Variants in DPH6 observed in about 807,000 individuals in gnomAD.
The protein encoded by DPH6 is diphthamine biosynthesis 6, also known as diphthine--ammonia ligase.
A neutral mutation model predicts 38.2 loss-of-function variants in DPH6; 33 were observed. That is an observed-to-expected ratio of 0.86 (90% CI 0.65 to 1.15). The LOEUF (loss-of-function observed/expected upper bound fraction) is 1.15. DPH6 is among the 50% of genes most tolerant of loss of function. The probability of loss-of-function intolerance (pLI) is 0.00; values close to 1 mark genes in which losing one functional copy is unlikely to be tolerated. For synonymous variants in DPH6, 108 were observed against 103.0 expected, an observed-to-expected ratio of 1.05 and a Z score of -0.30; for missense variants, 325 against 320.0, an observed-to-expected ratio of 1.02 and a Z score of -0.12.
At chr15:35,462,308 A>G (rs2054076121) in intron 3 of DPH6, among the ~76,000 whole-genome samples, 1 of 152,196 alleles carries the variant, frequency 6.6e-6, no homozygotes, top group Non-Finnish European at 1.5e-5. Flanking sequence ...AAGCCATGGC[A>G]TGAAGCTTCC....
rs16960934 is a variant in DPH6, at chr15:35,431,134, T to C, written c.505+19551A>G. Among the ~76,000 whole-genome samples the C allele has an allele frequency of 0.022, 3,329 of 152,148 alleles. 382 individuals carry two copies. The East Asian group carries it at 0.36, about 17-fold the overall frequency. ...CAGCACAGTTATATAACACCCAAGA[T>C]TCTTCTTTGTCAAACAGAAAAAGCG... On this transcript the variant is annotated intron_variant, in intron 5 of 8. Transcript: ENST00000256538.
intron 3 of DPH6, among the ~76,000 whole-genome samples, chr15:35,461,393 T>C (rs937157272): frequency 2.6e-5 from 4 of 152,202 alleles, no homozygotes; most frequent in African/African-American, 9.7e-5. Flanking sequence ...TTTGTTAATG[T>C]ACAAAGAAAA....
At chr15:35,214,796 T>C (rs145390727), downstream of DPH6, among the ~76,000 whole-genome samples, 36 of 152,194 alleles carry the variant, frequency 2.4e-4, no homozygotes, top group African/African-American at 8.7e-4. Context: ...TTAGTAGAGA[T>C]GGGGTTTCAC....
intron 3 of DPH6, among the ~76,000 whole-genome samples, chr15:35,324,284 G>A (rs2052264776): frequency 6.6e-6 from 1 of 152,130 alleles, no homozygotes; most frequent in Non-Finnish European, 1.5e-5. Context: ...AGATATAAGT[G>A]TATTGCATAA....
intron 3 of DPH6, among the ~76,000 whole-genome samples, chr15:35,316,312 C>T (rs1199258555): frequency 6.6e-6 from 1 of 152,026 alleles, no homozygotes; most frequent in African/African-American, 2.4e-5. Flanking sequence ...AAACTATGGA[C>T]ATCTGTTATG....
intron 3 of DPH6, among the ~76,000 whole-genome samples, chr15:35,361,280 C>T (rs770258205): frequency 3.3e-5 from 5 of 152,284 alleles, no homozygotes; most frequent in East Asian, 1.9e-4. Context: ...AGGGCATTTT[C>T]GTCTGTGAAT....
chr15:35,499,905 G>A (rs980546742), intron 3 of DPH6, among the ~76,000 whole-genome samples: 2 of 152,174 alleles, frequency 1.3e-5, no homozygotes, highest in Admixed American at 1.3e-4. Flanking sequence ...GTTCCTGGCA[G>A]TACCATTCCC....
At chr15:35,207,815 T>G in the DPH6 span, among the ~76,000 whole-genome samples, 1 of 152,228 alleles carries the variant, frequency 6.6e-6, no homozygotes, top group Admixed American at 6.5e-5. Flanking sequence ...AGCAAATTAC[T>G]GTAAGTAGTG....
At chr15:35,366,229 T>TGC (rs1491128161), downstream of DPH6, among the ~76,000 whole-genome samples, 48 of 3,944 alleles carry the variant, frequency 0.012, no homozygotes, top group African/African-American at 0.019. Flanking sequence ...TTAGTCATCT[T>TGC]GTGTGTGTGT....
intron 5 of DPH6, among the ~76,000 whole-genome samples, chr15:35,448,813 T>C (rs1304705022): frequency 6.6e-6 from 1 of 152,096 alleles, no homozygotes; most frequent in Non-Finnish European, 1.5e-5. Flanking sequence ...AGAAATTTTA[T>C]GAGTTCATTG....
intron 6 of DPH6, among the ~76,000 whole-genome samples, chr15:35,389,659 G>A (rs1266175886): frequency 6.6e-6 from 1 of 151,678 alleles, no homozygotes; most frequent in African/African-American, 2.4e-5. Flanking sequence ...GACTAGGATT[G>A]CAATCCCTGC....
downstream of DPH6, among the ~76,000 whole-genome samples, chr15:35,327,891 A>G (rs2052297712): frequency 6.6e-6 from 1 of 152,162 alleles, no homozygotes; most frequent in East Asian, 1.9e-4. Flanking sequence ...ATCAAAACTT[A>G]CCAACTTATA....
At chr15:35,259,093 C>G (rs914988238) in intron 3 of DPH6, among the ~76,000 whole-genome samples, 1 of 149,458 alleles carries the variant, frequency 6.7e-6, no homozygotes, top group Non-Finnish European at 1.5e-5. Flanking sequence ...TGCAGTGGGC[C>G]GAGATCGCAC....
At chr15:35,153,732 A>G in the DPH6 span, among the ~76,000 whole-genome samples, 1 of 152,202 alleles carries the variant, frequency 6.6e-6, no homozygotes, top group East Asian at 1.9e-4. Context: ...AGAGAGAGAG[A>G]AGAAATGAAC....
chr15:35,215,442 A>G (rs1363601699), downstream of DPH6, among the ~76,000 whole-genome samples: 1 of 152,110 alleles, frequency 6.6e-6, no homozygotes, highest in Non-Finnish European at 1.5e-5. Flanking sequence ...AGGCTGGGGT[A>G]CAGTGGTGTG....
intron 1 of DPH6, among the ~76,000 whole-genome samples, chr15:35,545,303 T>C (rs1209293030): frequency 6.6e-6 from 1 of 152,238 alleles, no homozygotes; most frequent in African/African-American, 2.4e-5. Context: ...AGTATGGAAA[T>C]ATTTAAGCAG....
Position 35,546,112 on chromosome 15 carries a change from G to T in DPH6, c.23+7C>A. 7.1e-7 allele frequency: 1 copy of T among 1,406,102 alleles called. No homozygotes were observed. Among genetic ancestry groups the T allele is most frequent in the Non-Finnish European group, 9.4e-7 (1 of 1,066,260 alleles). The allele number at this position is 1,406,102 out of a possible 1,614,324, so 87.1% of individuals were successfully genotyped here. ...GGAGGAAGGAGGCGGCTCCAGGACC[G>T]CATTACCTGATCAGAGCCGCGACCC... is the stretch of plus-strand genomic sequence containing the variant. On this transcript the variant is annotated splice_region_variant and intron_variant, in intron 1 of 8. Transcript: ENST00000256538.
the DPH6 span, among the ~76,000 whole-genome samples, chr15:35,149,843 C>A: frequency 2.0e-5 from 3 of 152,234 alleles, no homozygotes; most frequent in African/African-American, 7.2e-5. Flanking sequence ...CAATTAGATT[C>A]AACTGTTCAC....
chr15:35,388,220 G>A (rs1305723557), intron 6 of DPH6, among the ~76,000 whole-genome samples: 2 of 152,148 alleles, frequency 1.3e-5, no homozygotes, highest in Non-Finnish European at 2.9e-5. Flanking sequence ...TAAGCTTTTT[G>A]ATGTGCTGCT....
Sources: gnomAD v4.1 joint callset for allele counts (sites outside exome capture counted in the v4.1 genomes callset) on GRCh38, gnomAD v4.1.1 for gene constraint, MANE v1.5 for transcripts, NCBI Gene and HGNC (gene_info 2026-07-23, HGNC 2026-07-21) for gene names.